Variants in CD99 observed in about 807,000 individuals in gnomAD.
CD99 encodes CD99 molecule (Xg blood group), also known as CD99 antigen.
In CD99, 19 loss-of-function variants were observed where a neutral mutation model predicts 28.4. That is an observed-to-expected ratio of 0.67 (90% CI 0.47 to 0.98). The LOEUF is 0.98. Ranked by LOEUF, CD99 falls within the 50% of genes least tolerant of loss-of-function variation. CD99 has a pLI of 0.00. For synonymous variants in CD99, 103 were observed against 92.1 expected (o/e 1.12, Z -0.67); for missense variants, 283 against 248.8 (o/e 1.14, Z -0.92).
chrX:2,717,563 C>G (rs1448871651), intron 2 of CD99, 42 bp from the exon 3 acceptor site: 2 of 1,501,226 alleles, frequency 1.3e-6, no homozygotes, highest in East Asian at 4.5e-5. Context: ...ACTTGTTTTC[C>G]CAGCTGCAAC....
intron 1 of CD99, among the ~76,000 whole-genome samples, chrX:2,698,929 A>ATT (rs763616203): frequency 2.2e-5 from 3 of 136,542 alleles, no homozygotes; most frequent in East Asian, 2.2e-4. Flanking sequence ...AGGTGTTTTA[A>ATT]TTTTTTTTTT....
chrX:2,700,085 G>C (rs775470666), intron 1 of CD99, among the ~76,000 whole-genome samples: 2 of 152,294 alleles, frequency 1.3e-5, no homozygotes. Flanking sequence ...GTGGTGAGAC[G>C]TGGGCACAGG....
chrX:2,695,740 TCTC>T (rs1172623995), intron 1 of CD99, among the ~76,000 whole-genome samples: 9 of 151,734 alleles, frequency 5.9e-5, no homozygotes, highest in Admixed American at 2.0e-4. Context: ...CTCAGGCAAT[TCTC>T]CTGCCTCAGA....
intron 1 of CD99, 190 bp downstream of exon 1, chrX:2,691,617 C>A: frequency 1.4e-6 from 1 of 723,554 alleles, no homozygotes; most frequent in Non-Finnish European, 2.5e-6. Context: ...AACGCTTTTC[C>A]TGGAGCCGTT....
At chrX:2,701,729 G>A (rs773316672) in intron 1 of CD99, among the ~76,000 whole-genome samples, 5 of 152,356 alleles carry the variant, frequency 3.3e-5, no homozygotes, top group African/African-American at 9.6e-5. Flanking sequence ...TCCCCTGAAG[G>A]GTTTGACGCA....
intron 8 of CD99, among the ~76,000 whole-genome samples, chrX:2,732,576 T>C (rs1215951337): frequency 5.3e-5 from 8 of 151,046 alleles, no homozygotes; most frequent in Non-Finnish European, 5.9e-5. Context: ...TCTCTCTCTT[T>C]TCATTCTTTC....
At chrX:2,700,561 TATCC>T (rs368305179) in intron 1 of CD99, among the ~76,000 whole-genome samples, 35 of 149,908 alleles carry the variant, frequency 2.3e-4, no homozygotes, top group African/African-American at 7.6e-4. Context: ...TCCATCCATT[TATCC>T]ATCCATCCAT....
intron 8 of CD99, among the ~76,000 whole-genome samples, chrX:2,735,982 C>G (rs982485538): frequency 7.9e-5 from 12 of 151,956 alleles, no homozygotes; most frequent in African/African-American, 2.7e-4. Flanking sequence ...GTGGGCAGAT[C>G]ACGAAGTCAG....
intron 8 of CD99, among the ~76,000 whole-genome samples, chrX:2,737,384 G>C (rs988345672): frequency 6.9e-6 from 1 of 143,888 alleles, no homozygotes; most frequent in African/African-American, 2.6e-5. Context: ...CACCATGTTG[G>C]CCAGGATGGG....
chrX:2,705,888 C>T (rs923810193), intron 1 of CD99, among the ~76,000 whole-genome samples: 25 of 152,086 alleles, frequency 1.6e-4, no homozygotes, highest in Non-Finnish European at 2.8e-4. Context: ...CTGCTATTCC[C>T]ACACAGGAGG....
At chrX:2,736,011 G>A (rs1348115589) in intron 8 of CD99, among the ~76,000 whole-genome samples, 2 of 151,906 alleles carry the variant, frequency 1.3e-5, no homozygotes, top group Admixed American at 6.6e-5. Flanking sequence ...GACCATCCTG[G>A]CTAACATGGT....
intron 5 of CD99, among the ~76,000 whole-genome samples, chrX:2,722,035 C>G: frequency 6.6e-6 from 1 of 151,726 alleles, no homozygotes; most frequent in East Asian, 1.9e-4. Flanking sequence ...GTCTTCACAC[C>G]ATCTCCAATA....
At chrX:2,709,626 CATG>C (rs2048296255) in intron 1 of CD99, among the ~76,000 whole-genome samples, 1 of 152,218 alleles carries the variant, frequency 6.6e-6, no homozygotes, top group African/African-American at 2.4e-5. Context: ...ACAGAAACCA[CATG>C]AATGCATGAG....
intron 8 of CD99, among the ~76,000 whole-genome samples, chrX:2,734,219 A>C (rs1281467793): frequency 1.5e-5 from 2 of 137,746 alleles, no homozygotes; most frequent in Non-Finnish European, 3.2e-5. Context: ...CTTTCTTTTC[A>C]TTTTTTTCTT....
chrX:2,715,208 C>G (rs2048633016), intron 2 of CD99: 1 of 122,392 alleles, frequency 8.2e-6, no homozygotes, highest in Non-Finnish European at 1.9e-5. Context: ...CGTCTTATCA[C>G]TCTATCAGCT....
chrX:2,731,310 C>G (rs1346112316), intron 8 of CD99, among the ~76,000 whole-genome samples: 1 of 152,176 alleles, frequency 6.6e-6, no homozygotes, highest in African/African-American at 2.4e-5. Context: ...AAACCATGGG[C>G]CAGGCGCGGT....
At chrX:2,706,411 A>G (rs2048119883) in intron 1 of CD99, among the ~76,000 whole-genome samples, 1 of 152,214 alleles carries the variant, frequency 6.6e-6, no homozygotes. Context: ...GCTTGGCATC[A>G]GAGGACTCAG....
At chrX:2,729,169 T>C (rs2049460761) in intron 8 of CD99, among the ~76,000 whole-genome samples, 1 of 152,176 alleles carries the variant, frequency 6.6e-6, no homozygotes, top group Non-Finnish European at 1.5e-5. Context: ...TGTTGAACAC[T>C]TTTGCATTAA....
intron 8 of CD99, chrX:2,733,501 A>C: frequency 1.1e-6 from 1 of 943,296 alleles, no homozygotes; most frequent in Admixed American, 2.2e-5. Flanking sequence ...AATTCCCACC[A>C]CGATGGGATT....
Sources: gnomAD v4.1 joint callset for allele counts (sites outside exome capture counted in the v4.1 genomes callset) on GRCh38, gnomAD v4.1.1 for gene constraint, MANE v1.5 for transcripts, NCBI Gene and HGNC (gene_info 2026-07-23, HGNC 2026-07-21) for gene names.